The following EGFLAM variants were observed in gnomAD, a reference collection of about 807,000 sequenced individuals.
EGFLAM encodes the protein pikachurin.
EGFLAM carries 79 observed loss-of-function variants against 113.1 expected under a neutral mutation model. That is an observed-to-expected ratio of 0.70 (90% CI 0.58 to 0.84). The LOEUF (loss-of-function observed/expected upper bound fraction) is 0.84, where lower values mean the gene tolerates loss of function less well. EGFLAM is among the 40% of genes least tolerant of loss of function. The pLI is 0.00. For synonymous variants in EGFLAM, 504 were observed against 487.6 expected, an observed-to-expected ratio of 1.03 and a Z score of -0.44; for missense variants, 1,265 against 1,291.6, an observed-to-expected ratio of 0.98 and a Z score of 0.32.
At chr5:38,346,420 A>C (rs1739473499) in intron 3 of EGFLAM, 1 of 152,170 alleles carries the variant, frequency 6.6e-6, no homozygotes. Context: ...CACTGACTAA[A>C]TCTTGAGCAA....
chr5:38,309,381 G>A (rs940635476), intron 1 of EGFLAM, among the ~76,000 whole-genome samples: 1 of 152,202 alleles, frequency 6.6e-6, no homozygotes, highest in Non-Finnish European at 1.5e-5. Flanking sequence ...GTTGAGACAT[G>A]CAAACAGTAA....
chr5:38,268,490 G>A (rs1400290368), intron 1 of EGFLAM, among the ~76,000 whole-genome samples: 1 of 152,194 alleles, frequency 6.6e-6, no homozygotes, highest in East Asian at 1.9e-4. Flanking sequence ...TCGTTCAGTA[G>A]TGTGCACAGG....
chr5:38,403,789 G>A lies in EGFLAM; in HGVS notation c.713-2337G>A. 3 of 1,609,898 alleles carry A rather than the reference G, an allele frequency of 1.9e-6. No homozygotes were observed. In the South Asian group the frequency reaches 3.3e-5, roughly 18 times the overall value. ...TAAGGGGGACTGCTTGCTGTACAAA[G>A]ATAGAGACAAGAGGAAGGAGCTGTC... On this transcript the variant is annotated intron_variant, in intron 6 of 21. Transcript: ENST00000322350.
chr5:38,272,611 A>G (rs1268878164), intron 1 of EGFLAM, among the ~76,000 whole-genome samples: 1 of 152,234 alleles, frequency 6.6e-6, no homozygotes, highest in Non-Finnish European at 1.5e-5. Context: ...CAAAGCAGCC[A>G]AAAGCTAGAG....
intron 15 of EGFLAM, among the ~76,000 whole-genome samples, chr5:38,434,082 C>T (rs1742269548): frequency 6.6e-6 from 1 of 152,204 alleles, no homozygotes; most frequent in Non-Finnish European, 1.5e-5. Context: ...ACCTCTCTCT[C>T]CTGCTTAAGT....
intron 1 of EGFLAM, among the ~76,000 whole-genome samples, chr5:38,328,940 T>A (rs547420378): frequency 3.9e-5 from 6 of 152,236 alleles, no homozygotes; most frequent in Admixed American, 1.3e-4. Flanking sequence ...CATTATTTTT[T>A]AAAAATTTAT....
chr5:38,456,192 T>G (rs1384980376), intron 19 of EGFLAM, among the ~76,000 whole-genome samples: 1 of 152,100 alleles, frequency 6.6e-6, no homozygotes, highest in Non-Finnish European at 1.5e-5. Context: ...ACATATGTCA[T>G]GTTACTTAGC....
intron 1 of EGFLAM, among the ~76,000 whole-genome samples, chr5:38,334,895 G>T (rs6885417): frequency 0.15 from 23,028 of 152,138 alleles, 2,064 homozygotes; most frequent in African/African-American, 0.25. Context: ...TCTCAACGGG[G>T]AGCAGTTTTG....
chr5:38,300,106 G>A (rs1758540109), intron 1 of EGFLAM, among the ~76,000 whole-genome samples: 1 of 152,240 alleles, frequency 6.6e-6, no homozygotes, highest in Non-Finnish European at 1.5e-5. Flanking sequence ...GGAGTGGTCA[G>A]ATTGGTCTCA....
chr5:38,298,879 T>G (rs1302192771), intron 1 of EGFLAM, among the ~76,000 whole-genome samples: 2 of 152,138 alleles, frequency 1.3e-5, no homozygotes, highest in African/African-American at 4.8e-5. Context: ...TTTTGTATTC[T>G]TTATAGAGAC....
intron 16 of EGFLAM, 74 bp from the exon 17 acceptor site, chr5:38,438,201 T>A: frequency 5.3e-6 from 8 of 1,503,912 alleles, no homozygotes; most frequent in Non-Finnish European, 7.2e-6. Flanking sequence ...CAGGTTAATT[T>A]GCCAAGGGAA....
At chr5:38,414,942 C>G (rs747291665) in intron 11 of EGFLAM, among the ~76,000 whole-genome samples, 14 of 152,146 alleles carry the variant, frequency 9.2e-5, no homozygotes, top group Non-Finnish European at 1.3e-4. Context: ...GGGAGGTGTT[C>G]AAGGCATAAC....
Position 38,427,228 on chromosome 5 carries a change from G to C in EGFLAM, c.2030G>C (p.Cys677Ser). The C allele has an allele frequency of 6.2e-7, 1 of 1,614,130 alleles. No individual in the cohort carries two copies. ...AGGHVEFRFD[C>S]GSGTGVLRSE... The stretch of plus-strand genomic sequence containing the variant: ...GGCCACGTGGAGTTCCGCTTTGACT[G>C]TGGCTCTGGGACCGGTGTCCTCAGG... The change falls in exon 14 of 22, where the codon TGT becomes TCT. Residue 677 changes from cysteine to serine, a missense_variant. Physicochemically the swap from Cys to Ser is moderately radical, Grantham distance 112 (BLOSUM62 -1). Coordinates refer to ENST00000322350, the MANE Select transcript of EGFLAM (RefSeq NM_152403.4).
chr5:38,379,298 C>T (rs1009484807), intron 6 of EGFLAM, among the ~76,000 whole-genome samples: 3 of 152,058 alleles, frequency 2.0e-5, no homozygotes, highest in African/African-American at 7.2e-5. Context: ...TGTATATGCA[C>T]AGGGGGCATC....
chr5:38,392,293 C>CT (rs1440249983), intron 6 of EGFLAM, among the ~76,000 whole-genome samples: 2 of 152,156 alleles, frequency 1.3e-5, no homozygotes, highest in African/African-American at 4.8e-5. Context: ...TGATCTTATT[C>CT]TTTTTTAGGA....
intron 18 of EGFLAM, among the ~76,000 whole-genome samples, chr5:38,450,845 T>C (rs908517444): frequency 6.6e-6 from 1 of 152,178 alleles, no homozygotes; most frequent in African/African-American, 2.4e-5. Flanking sequence ...CGCCATCGCT[T>C]GGGTATTTTC....
intron 1 of EGFLAM, among the ~76,000 whole-genome samples, chr5:38,295,456 T>C (rs1298224849): frequency 1.3e-5 from 2 of 152,220 alleles, no homozygotes; most frequent in East Asian, 3.9e-4. Context: ...AAGTTTAGAT[T>C]GAAAAACTGC....
intron 3 of EGFLAM, among the ~76,000 whole-genome samples, chr5:38,343,049 A>G (rs1180456982): frequency 1.3e-5 from 2 of 152,280 alleles, no homozygotes; most frequent in East Asian, 3.9e-4. Flanking sequence ...CTCTCTCATC[A>G]GAGCAAGGGT....
At chr5:38,411,874 A>C (rs1303844988) in intron 10 of EGFLAM, among the ~76,000 whole-genome samples, 2 of 152,084 alleles carry the variant, frequency 1.3e-5, no homozygotes, top group Non-Finnish European at 2.9e-5. Context: ...ATCTTGGCTC[A>C]CTGTAACCTC....
Sources: allele counts gnomAD v4.1 joint callset (sites outside exome capture counted in the v4.1 genomes callset), GRCh38; gene constraint gnomAD v4.1.1; transcripts MANE v1.5; gene names NCBI Gene and HGNC (gene_info 2026-07-23, HGNC 2026-07-21).